The following PTPN12 variants were observed in gnomAD, a reference collection of about 807,000 sequenced individuals.
PTPN12 encodes protein tyrosine phosphatase non-receptor type 12, also known as tyrosine-protein phosphatase non-receptor type 12.
Under a neutral mutation model 97.6 loss-of-function variants are expected in PTPN12, and 29 were observed. That is an observed-to-expected ratio of 0.30 (90% CI 0.22 to 0.41). The LOEUF (loss-of-function observed/expected upper bound fraction) is 0.41, where lower values mean the gene tolerates loss of function less well. PTPN12 is among the 10% of genes least tolerant of loss of function. The probability of loss-of-function intolerance (pLI) is 1.00; values close to 1 mark genes in which losing one functional copy is unlikely to be tolerated. For synonymous variants in PTPN12, 327 were observed against 300.4 expected (o/e 1.09, Z -0.91); for missense variants, 819 against 926.0 (o/e 0.88, Z 1.50).
At position 77,537,636 on chromosome 7, in the gene PTPN12, G is replaced by A. The variant is rs370018789; in HGVS notation, c.90G>A (p.Arg30=). The change falls in exon 1 of 18, where the codon CGG becomes CGA. Residue 30 remains arginine (R), a synonymous_variant. Coordinates refer to ENST00000248594, the MANE Select transcript of PTPN12 (RefSeq NM_002835.4). ...ACAATGGGGAGGACAACTTCGCCCG[G>A]GACTTCATGGTGAGTCTCTCCCCTC... is the stretch of plus-strand genomic sequence containing the variant. ...PDHNGEDNFA[R]DFMRLRRLST... The A allele has an allele frequency of 2.5e-6, 4 of 1,596,604 alleles. No individual in the cohort carries two copies. Among genetic ancestry groups the A allele is most frequent in the Non-Finnish European group, 3.4e-6 (4 of 1,172,966 alleles).
intron 7 of PTPN12, 143 bp downstream of exon 7, chr7:77,598,044 A>T: frequency 8.9e-7 from 1 of 1,125,060 alleles, no homozygotes; most frequent in Non-Finnish European, 1.2e-6. Flanking sequence ...CCTGGGCAAC[A>T]TAGTGAGATC....
chr7:77,605,663 C>T (rs536990993), intron 8 of PTPN12, among the ~76,000 whole-genome samples: 3 of 151,794 alleles, frequency 2.0e-5, no homozygotes, highest in East Asian at 1.9e-4. Flanking sequence ...TCAGGTGATC[C>T]GCCCTCCTTG....
intron 11 of PTPN12, among the ~76,000 whole-genome samples, chr7:77,617,626 C>T (rs549639778): frequency 1.3e-5 from 2 of 152,286 alleles, no homozygotes; most frequent in South Asian, 4.1e-4. Flanking sequence ...TGGCTGTTGT[C>T]TAAAATTATC....
chr7:77,615,605 C>T (rs1021656929), intron 11 of PTPN12, among the ~76,000 whole-genome samples: 4 of 151,916 alleles, frequency 2.6e-5, no homozygotes, highest in Non-Finnish European at 5.9e-5. Flanking sequence ...TTTTTAATTA[C>T]CTGGGTATGG....
At chr7:77,567,986 T>C (rs10808113) in intron 1 of PTPN12, among the ~76,000 whole-genome samples, 143,196 of 152,250 alleles carry the variant, frequency 0.94, 67,413 homozygotes, top group African/African-American at 0.97. Context: ...TGACATTTTT[T>C]GGTGGGAAAT....
intron 4 of PTPN12, among the ~76,000 whole-genome samples, chr7:77,584,292 G>T (rs539219413): frequency 2.6e-4 from 39 of 152,276 alleles, no homozygotes; most frequent in African/African-American, 9.1e-4. Context: ...GAATTGTAAT[G>T]ATTCTAAAGC....
intron 1 of PTPN12, among the ~76,000 whole-genome samples, chr7:77,546,379 A>G (rs1173658690): frequency 6.6e-6 from 1 of 152,256 alleles, no homozygotes; most frequent in Non-Finnish European, 1.5e-5. Flanking sequence ...AAAACTTGAT[A>G]AGGTAAATCA....
chr7:77,563,983 C>T (rs753039375), intron 1 of PTPN12: 2 of 419,904 alleles, frequency 4.8e-6, no homozygotes, highest in South Asian at 1.7e-5. Context: ...GATCTCGGCT[C>T]ACTGCAACCT....
chr7:77,627,620 A>G lies in PTPN12; in HGVS notation c.1941A>G (p.Pro647=). 1 of 1,611,200 alleles carries G rather than the reference A, an allele frequency of 6.2e-7. No homozygotes were observed. Among genetic ancestry groups the G allele is most frequent in the East Asian group, 2.2e-5 (1 of 44,872 alleles). The stretch of plus-strand genomic sequence containing the variant: ...GCATTTCTACTAGGAAAGTATTGCC[A>G]ATGTCCATTGCTAGACATAATATAG... ...TESISTRKVL[P]MSIARHNIAG... The change falls in exon 13 of 18, where the codon CCA becomes CCG. Residue 647 remains proline (P), a synonymous_variant. Coordinates refer to ENST00000248594, the MANE Select transcript of PTPN12 (RefSeq NM_002835.4).
chr7:77,607,393 AT>A, intron 9 of PTPN12, 92 bp downstream of exon 9: 1 of 933,408 alleles, frequency 1.1e-6, no homozygotes, highest in Non-Finnish European at 1.6e-6. Context: ...TGTATATTTT[AT>A]TATACATGTT....
At position 77,537,322 on chromosome 7, in the gene PTPN12, T is replaced by A. The variant is rs1414275176; in HGVS notation, c.-225T>A. 1.6e-5 allele frequency: 7 copies of A among 441,778 alleles called. No homozygotes were observed. Among genetic ancestry groups the A allele is most frequent in the Middle Eastern group, 6.7e-4 (1 of 1,484 alleles). The allele number at this position is 441,778 out of a possible 1,614,324, so 27.4% of individuals were successfully genotyped here. On this transcript the variant is annotated 5_prime_UTR_variant, in exon 1 of 18. Coordinates refer to ENST00000248594, the MANE Select transcript of PTPN12 (RefSeq NM_002835.4). The stretch of plus-strand genomic sequence containing the variant: ...TAGCGCAGCGGCTCGCCTGGTACTG[T>A]GGGAGAGCGGCGGCTGCTCCTGGAA...
At chr7:77,628,245 A>C (rs963673989) in intron 13 of PTPN12, among the ~76,000 whole-genome samples, 1 of 152,212 alleles carries the variant, frequency 6.6e-6, no homozygotes, top group Non-Finnish European at 1.5e-5. Flanking sequence ...AGTGGGCTAT[A>C]TGCATACCTA....
At chr7:77,621,483 C>T (rs1788935470) in intron 12 of PTPN12, among the ~76,000 whole-genome samples, 1 of 151,976 alleles carries the variant, frequency 6.6e-6, no homozygotes, top group Non-Finnish European at 1.5e-5. Context: ...AGCCTGGCCA[C>T]CATAGCGAAA....
In PTPN12 at chr7:77,542,183, C is replaced by T. The variant is rs138380940; in HGVS notation, c.99+4538C>T. On this transcript the variant is annotated intron_variant, in intron 1 of 17. Coordinates refer to ENST00000248594, the MANE Select transcript of PTPN12 (RefSeq NM_002835.4). Reference sequence around the variant, plus strand: ...ATCTATGCTATACTTAGATTTTATTCTACAGACCGATAATAGCAATTCTGG... The same window carrying T: ...ATCTATGCTATACTTAGATTTTATTTTACAGACCGATAATAGCAATTCTGG... Among the ~76,000 whole-genome samples, 266 of 152,264 alleles carry T rather than the reference C, an allele frequency of 1.7e-3. 1 individual carries two copies. The highest frequency in any genetic ancestry group is 5.8e-3 in the African/African-American group (239 of 41,554).
At chr7:77,555,603 G>GT (rs1325790890) in intron 1 of PTPN12, among the ~76,000 whole-genome samples, 1 of 151,952 alleles carries the variant, frequency 6.6e-6, no homozygotes, top group African/African-American at 2.4e-5. Context: ...TTTTGTTACA[G>GT]TTTTTTAAAA....
chr7:77,595,204 A>G (rs1679480060), intron 6 of PTPN12, among the ~76,000 whole-genome samples: 1 of 152,216 alleles, frequency 6.6e-6, no homozygotes. Flanking sequence ...TTCTTTGATA[A>G]TTTTAAAATG....
At chr7:77,606,992 A>G (rs1788397541) in intron 8 of PTPN12, 2 of 271,944 alleles carry the variant, frequency 7.4e-6, no homozygotes, top group South Asian at 8.6e-5. Flanking sequence ...TGCCTGATTT[A>G]TAAATTAAAC....
intron 2 of PTPN12, among the ~76,000 whole-genome samples, chr7:77,579,972 T>C (rs78839655): frequency 0.016 from 2,363 of 152,362 alleles, 58 homozygotes; most frequent in African/African-American, 0.053. Flanking sequence ...TATAAATTGT[T>C]TCATACCTTT....
In PTPN12 at chr7:77,625,339, C is replaced by T. The variant is rs192155463; in HGVS notation, c.1026-1366C>T. On this transcript the variant is annotated intron_variant, in intron 12 of 17. Coordinates refer to ENST00000248594, the MANE Select transcript of PTPN12 (RefSeq NM_002835.4). ...GATCAGAGCTCCCTGCAGCCTTGACCTCCCCAGGCTCAGGTGATCCTCCTA... is the reference window on the plus strand; with the variant it reads ...GATCAGAGCTCCCTGCAGCCTTGACTTCCCCAGGCTCAGGTGATCCTCCTA... Among the ~76,000 whole-genome samples the T allele has an allele frequency of 1.4e-3, 215 of 151,104 alleles. 1 individual carries two copies. The highest frequency in any genetic ancestry group is 5.1e-3 in the African/African-American group (212 of 41,218).
Sources: allele counts gnomAD v4.1 joint callset (sites outside exome capture counted in the v4.1 genomes callset), GRCh38; gene constraint gnomAD v4.1.1; transcripts MANE v1.5; gene names NCBI Gene and HGNC (gene_info 2026-07-23, HGNC 2026-07-21).